PRUNE2: variants seen among roughly 807,000 people sequenced by gnomAD.
PRUNE2 encodes prune homolog 2 with BCH domain.
PRUNE2 carries 164 observed loss-of-function variants against 252.0 expected under a neutral mutation model. That is an observed-to-expected ratio of 0.65 (90% CI 0.57 to 0.74). PRUNE2 has a LOEUF of 0.74. Ranked by LOEUF, PRUNE2 falls within the 30% of genes least tolerant of loss-of-function variation. The probability of loss-of-function intolerance (pLI) is 0.00; values close to 1 mark genes in which losing one functional copy is unlikely to be tolerated. For synonymous variants in PRUNE2, 1,292 were observed against 1,350.2 expected (o/e 0.96, Z 0.94); for missense variants, 3,495 against 3,711.0 (o/e 0.94, Z 1.51).
At chr9:76,837,902 G>T (rs985714526) in intron 4 of PRUNE2, among the ~76,000 whole-genome samples, 2 of 151,356 alleles carry the variant, frequency 1.3e-5, no homozygotes, top group African/African-American at 4.9e-5. Context: ...CTCCTGAGTA[G>T]CTGGGACTAC....
rs145706309 is a variant in PRUNE2 at position 76,708,786 on chromosome 9, G to A, written c.3488C>T (p.Pro1163Leu). The change falls in exon 8 of 19, where the codon CCG becomes CTG. Residue 1163 changes from proline (P) to leucine (L), a missense_variant. Physicochemically the swap from Pro to Leu is moderately conservative, Grantham distance 98. Transcript: ENST00000376718. ...TEGYMAEGSE[P>L]ETRFTVRQLE... is the part of the protein sequence containing the mutation. ...CTGTCTCACTGTAAATCGGGTTTCC[G>A]GCTCGGAACCTTCAGCCATGTATCC... The A allele has an allele frequency of 7.4e-5, 119 of 1,613,840 alleles. No individual in the cohort carries two copies. The African/African-American group carries it at 9.9e-4, about 13-fold the overall frequency.
intron 6 of PRUNE2, 99 bp downstream of exon 6, chr9:76,823,533 A>G (rs1235680971): frequency 2.8e-6 from 2 of 715,114 alleles, no homozygotes; most frequent in African/African-American, 3.5e-5. Flanking sequence ...GAAGCAAAGG[A>G]CTATCATGGA....
chr9:76,775,141 G>A (rs139933844), intron 6 of PRUNE2, among the ~76,000 whole-genome samples: 1,954 of 152,276 alleles, frequency 0.013, 20 homozygotes, highest in South Asian at 0.02. Flanking sequence ...TTATTTGGTC[G>A]GGGGGAAAGA....
At position 76,899,220 on chromosome 9, in the gene PRUNE2, G is replaced by A. The variant is rs138201846; in HGVS notation, c.36+6708C>T. 4.7e-4 allele frequency among the ~76,000 whole-genome samples: 71 copies of A among 152,274 alleles called. 1 individual carries two copies. Among genetic ancestry groups the A allele is most frequent in the South Asian group, 1.0e-3 (5 of 4,828 alleles). Reference sequence around the variant, plus strand: ...CTACGGTTCCAATGGTTCCACTGTTGGCTGATCTACCCAATGCAGTTTTGC... The same window carrying A: ...CTACGGTTCCAATGGTTCCACTGTTAGCTGATCTACCCAATGCAGTTTTGC... On this transcript the variant is annotated intron_variant, in intron 1 of 18. Coordinates refer to ENST00000376718, the MANE Select transcript of PRUNE2 (RefSeq NM_015225.3).
chr9:76,652,639 T>C lies in PRUNE2; in HGVS notation c.8401A>G (p.Ile2801Val). 1 of 1,613,162 alleles carries C rather than the reference T, an allele frequency of 6.2e-7. No individual in the cohort carries two copies. Among genetic ancestry groups the C allele is most frequent in the South Asian group, 1.1e-5 (1 of 91,044 alleles). The change falls in exon 11 of 19, where the codon ATC (isoleucine) becomes GTC (valine). Residue 2801 changes from isoleucine (I) to valine (V), a missense_variant. By Grantham distance (29) the Ile-to-Val change is conservative. Coordinates refer to ENST00000376718, the MANE Select transcript of PRUNE2 (RefSeq NM_015225.3). ...LDLNDTHPRR[I>V]KLTAPNINLS... ...TTGATATTTGGGGCTGTGAGCTTGA[T>C]TCTCCGAGGATGAGTGTCATTAAGA...
chr9:76,905,683 A>G (rs1184564667), intron 1 of PRUNE2, among the ~76,000 whole-genome samples: 1 of 151,998 alleles, frequency 6.6e-6, no homozygotes, highest in African/African-American at 2.4e-5. Flanking sequence ...AAGCGACCCA[A>G]CTTCAGCCAG....
Position 76,710,552 on chromosome 9 carries a change from T to G in PRUNE2, c.1722A>C (p.Gln574His). Residue 574 changes from glutamine to histidine, a missense_variant, in exon 8 of 19, where the codon CAA becomes CAC. Physicochemically the swap from Gln to His is conservative, Grantham distance 24 (BLOSUM62 0). Coordinates refer to ENST00000376718, the MANE Select transcript of PRUNE2 (RefSeq NM_015225.3). The part of the protein sequence containing the change: ...VEHDEEFVQR[Q>H]DSPRDNSERN... ...TTTCAGAGTTATCTCTGGGACTGTC[T>G]TGTCTCTGGACAAACTCCTCATCAT... The G allele has an allele frequency of 6.2e-7, 1 of 1,613,962 alleles. No individual in the cohort carries two copies. The highest frequency in any genetic ancestry group is 8.5e-7 in the Non-Finnish European group (1 of 1,179,878).
chr9:76,721,947 C>T (rs1255161107), intron 6 of PRUNE2, among the ~76,000 whole-genome samples: 3 of 152,224 alleles, frequency 2.0e-5, no homozygotes, highest in Admixed American at 2.0e-4. Flanking sequence ...TTTATGAGAA[C>T]ACCACATGCA....
At chr9:76,810,635 A>G (rs2057294791) in intron 6 of PRUNE2, among the ~76,000 whole-genome samples, 1 of 152,248 alleles carries the variant, frequency 6.6e-6, no homozygotes, top group African/African-American at 2.4e-5. Context: ...ACAGTAAAAG[A>G]GATGTCTATC....
At chr9:76,787,684 TCCATA>T (rs1437667653) in intron 6 of PRUNE2, 1 of 152,208 alleles carries the variant, frequency 6.6e-6, no homozygotes, top group Non-Finnish European at 1.5e-5. Context: ...TCCCTTTGTC[TCCATA>T]GCCAAAGACA....
chr9:76,684,725 G>T (rs1245466971), intron 9 of PRUNE2, among the ~76,000 whole-genome samples: 1 of 152,100 alleles, frequency 6.6e-6, no homozygotes, highest in Middle Eastern at 3.2e-3. Flanking sequence ...CCTGGTGGGG[G>T]TCAATGGGAC....
intron 4 of PRUNE2, among the ~76,000 whole-genome samples, chr9:76,838,779 G>T (rs1423402609): frequency 6.6e-6 from 1 of 151,822 alleles, no homozygotes; most frequent in African/African-American, 2.4e-5. Context: ...ACCAGTTAAC[G>T]CTAGTTAGGG....
chr9:76,678,785 G>A (rs1180501000), intron 9 of PRUNE2, among the ~76,000 whole-genome samples: 2 of 152,190 alleles, frequency 1.3e-5, no homozygotes, highest in African/African-American at 4.8e-5. Flanking sequence ...CCGAGATGGT[G>A]CCACTGCACT....
chr9:76,862,827 A>G (rs541730407), intron 1 of PRUNE2: 2 of 152,276 alleles, frequency 1.3e-5, no homozygotes, highest in East Asian at 3.9e-4. Context: ...ATTACACATA[A>G]TATTTTTTAA....
At chr9:76,848,935 T>A (rs2059807179) in intron 3 of PRUNE2, among the ~76,000 whole-genome samples, 1 of 152,158 alleles carries the variant, frequency 6.6e-6, no homozygotes, top group South Asian at 2.1e-4. Context: ...CGCTCTGTCA[T>A]CTAGGCTGGA....
At chr9:76,704,624 A>C (rs1458868772) in intron 8 of PRUNE2, 137 bp downstream of exon 8, 7 of 638,070 alleles carry the variant, frequency 1.1e-5, no homozygotes, top group Non-Finnish European at 1.9e-5. Flanking sequence ...ATAATACAGG[A>C]CTTAGTGAGG....
chr9:76,900,123 G>A (rs1487453995), intron 1 of PRUNE2, among the ~76,000 whole-genome samples: 1 of 152,184 alleles, frequency 6.6e-6, no homozygotes, highest in Non-Finnish European at 1.5e-5. Flanking sequence ...GGAGAAACTG[G>A]ATGAATCACA....
intron 1 of PRUNE2, among the ~76,000 whole-genome samples, chr9:76,868,646 G>A (rs1286916009): frequency 6.6e-6 from 1 of 152,004 alleles, no homozygotes; most frequent in African/African-American, 2.4e-5. Flanking sequence ...CTCACCTAGC[G>A]TCAATATGCA....
chr9:76,729,931 G>C (rs748619709), intron 6 of PRUNE2, among the ~76,000 whole-genome samples: 3 of 152,074 alleles, frequency 2.0e-5, no homozygotes, highest in Non-Finnish European at 4.4e-5. Flanking sequence ...ATTTTTACAA[G>C]TCTGCCAATT....
Sources: gnomAD v4.1 joint callset for allele counts (sites outside exome capture counted in the v4.1 genomes callset) on GRCh38, gnomAD v4.1.1 for gene constraint, MANE v1.5 for transcripts, NCBI Gene and HGNC (gene_info 2026-07-23, HGNC 2026-07-21) for gene names.